Variants in LRRC49 observed in about 807,000 individuals in gnomAD.
The protein encoded by LRRC49 is leucine-rich repeat-containing protein 49.
Under a neutral mutation model 83.3 loss-of-function variants are expected in LRRC49, and 50 were observed. That is an observed-to-expected ratio of 0.60 (90% CI 0.48 to 0.76). The LOEUF is 0.76. Ranked by LOEUF, LRRC49 falls within the 30% of genes least tolerant of loss-of-function variation. The pLI, the probability that LRRC49 is intolerant of heterozygous loss-of-function variation, is 0.00. For synonymous variants in LRRC49, 286 were observed against 283.3 expected, an observed-to-expected ratio of 1.01 and a Z score of -0.10; for missense variants, 704 against 809.1, an observed-to-expected ratio of 0.87 and a Z score of 1.58.
chr15:71,045,880 T>A (rs2039840001), intron 15 of LRRC49, among the ~76,000 whole-genome samples: 1 of 152,168 alleles, frequency 6.6e-6, no homozygotes, highest in Non-Finnish European at 1.5e-5. Context: ...CCCATATTTA[T>A]GTTGTTCCCA....
chr15:71,046,836 T>C (rs1225067693), intron 15 of LRRC49, among the ~76,000 whole-genome samples: 1 of 152,230 alleles, frequency 6.6e-6, no homozygotes, highest in Non-Finnish European at 1.5e-5. Context: ...CTTTAAATTA[T>C]TAATCCCTTT....
At chr15:70,961,284 G>A (rs1312275583) in intron 8 of LRRC49, among the ~76,000 whole-genome samples, 3 of 152,152 alleles carry the variant, frequency 2.0e-5, no homozygotes, top group African/African-American at 7.2e-5. Context: ...GGTGAGGATG[G>A]TGAGCTGTTA....
At chr15:70,967,399 G>A (rs940749175) in intron 9 of LRRC49, among the ~76,000 whole-genome samples, 5 of 152,072 alleles carry the variant, frequency 3.3e-5, no homozygotes, top group African/African-American at 7.2e-5. Context: ...GAGAGGATGC[G>A]ATGGGTGATG....
chr15:70,945,322 A>G (rs2035968942), intron 8 of LRRC49, among the ~76,000 whole-genome samples: 1 of 152,136 alleles, frequency 6.6e-6, no homozygotes, highest in South Asian at 2.1e-4. Flanking sequence ...CATCTGCTTC[A>G]TATATTTTGT....
chr15:70,900,964 C>T lies in LRRC49; in HGVS notation c.236C>T (p.Pro79Leu). 1 of 1,610,888 alleles carries T rather than the reference C, an allele frequency of 6.2e-7. No individual in the cohort carries two copies. The highest frequency in any genetic ancestry group is 8.5e-7 in the Non-Finnish European group (1 of 1,178,042). ...NLVSSSLSSF[P>L]ILQRSSEEKI... ...GTGAGCTCATCATTGTCATCATTTC[C>T]TATTCTTCAACGTTCTTCTGAAGAG... Residue 79 changes from proline (P) to leucine (L), a missense_variant, in exon 4 of 16, where the codon CCT becomes CTT. By Grantham distance (98) the Pro-to-Leu change is moderately conservative. Coordinates refer to ENST00000260382, the MANE Select transcript of LRRC49 (RefSeq NM_017691.5).
intron 1 of LRRC49, among the ~76,000 whole-genome samples, chr15:70,866,109 G>A (rs1325877654): frequency 2.7e-5 from 4 of 147,878 alleles, no homozygotes; most frequent in Admixed American, 6.9e-5. Flanking sequence ...TCTGGTACAT[G>A]TAAAGTATTT....
At chr15:70,965,766 CT>C (rs2036773293) in intron 9 of LRRC49, among the ~76,000 whole-genome samples, 1 of 152,046 alleles carries the variant, frequency 6.6e-6, no homozygotes, top group Non-Finnish European at 1.5e-5. Context: ...TGTGAAGATT[CT>C]CTTTTTCCCT....
Position 70,904,819 on chromosome 15 carries a change from A to G in LRRC49, c.500+64A>G. On this transcript the variant is annotated intron_variant, in intron 5 of 15. Transcript: ENST00000260382. ...GTGTAGGATTAATGTGGAGATGACAACTTAGAATTGAATAATACTTAAGAA... is the reference window on the plus strand; with the variant it reads ...GTGTAGGATTAATGTGGAGATGACAGCTTAGAATTGAATAATACTTAAGAA... 3 of 1,224,500 alleles carry G rather than the reference A, an allele frequency of 2.4e-6. No individual in the cohort carries two copies. The East Asian group carries it at 7.1e-5, about 29-fold the overall frequency. 75.9% of individuals were successfully genotyped at this position (1,224,500 alleles called of 1,614,324 possible).
chr15:70,995,297 T>G (rs2038037334), intron 11 of LRRC49, among the ~76,000 whole-genome samples: 1 of 152,194 alleles, frequency 6.6e-6, no homozygotes, highest in Non-Finnish European at 1.5e-5. Context: ...GCATATAAAG[T>G]AAGAGCATTA....
At chr15:70,930,270 C>A (rs1168490325) in intron 7 of LRRC49, among the ~76,000 whole-genome samples, 1 of 152,190 alleles carries the variant, frequency 6.6e-6, no homozygotes, top group East Asian at 1.9e-4. Context: ...CCTTCTACAT[C>A]TCCATCTGGG....
At chr15:71,022,658 T>C (rs1411502255) in intron 14 of LRRC49, among the ~76,000 whole-genome samples, 1 of 152,230 alleles carries the variant, frequency 6.6e-6, no homozygotes, top group Non-Finnish European at 1.5e-5. Context: ...CATTTAAATT[T>C]GTATGCACTT....
At chr15:70,971,797 C>CTTT (rs56230666) in intron 9 of LRRC49, among the ~76,000 whole-genome samples, 14 of 82,274 alleles carry the variant, frequency 1.7e-4, no homozygotes, top group African/African-American at 5.4e-4. Flanking sequence ...GTAACCACTC[C>CTTT]TTTTTTTTTT....
At chr15:70,915,807 C>A (rs957784571) in intron 6 of LRRC49, among the ~76,000 whole-genome samples, 1 of 152,018 alleles carries the variant, frequency 6.6e-6, no homozygotes, top group African/African-American at 2.4e-5. Flanking sequence ...TTAGTTAAAT[C>A]AAAAATCTTA....
chr15:71,024,125 C>T (rs536994797), intron 14 of LRRC49, among the ~76,000 whole-genome samples: 1 of 152,354 alleles, frequency 6.6e-6, no homozygotes, highest in African/African-American at 2.4e-5. Context: ...TGGGACTGAG[C>T]CCCTGAGGGG....
chr15:70,925,417 A>T (rs1239315666), intron 7 of LRRC49, among the ~76,000 whole-genome samples: 1 of 152,126 alleles, frequency 6.6e-6, no homozygotes, highest in African/African-American at 2.4e-5. Context: ...AAATACTTTA[A>T]AAGGAAGATA....
chr15:70,964,657 A>G (rs1353914530), intron 9 of LRRC49, among the ~76,000 whole-genome samples: 1 of 152,176 alleles, frequency 6.6e-6, no homozygotes, highest in Non-Finnish European at 1.5e-5. Context: ...AGCATATTAT[A>G]GGATCCAAGA....
At chr15:71,018,663 C>T (rs1257235846) in intron 14 of LRRC49, among the ~76,000 whole-genome samples, 2 of 152,146 alleles carry the variant, frequency 1.3e-5, no homozygotes, top group Admixed American at 6.5e-5. Context: ...GCAGCAGACA[C>T]CAGCTGGGTG....
intron 15 of LRRC49, among the ~76,000 whole-genome samples, chr15:71,047,228 A>T (rs937845702): frequency 1.3e-5 from 2 of 152,108 alleles, no homozygotes; most frequent in Admixed American, 1.3e-4. Context: ...GTGAAGAGTG[A>T]CATTGGGAAT....
At chr15:70,922,107 A>G (rs1227370879) in intron 7 of LRRC49, among the ~76,000 whole-genome samples, 4 of 152,152 alleles carry the variant, frequency 2.6e-5, no homozygotes, top group African/African-American at 9.7e-5. Flanking sequence ...CACTGTGGAA[A>G]ACAGTTTGGA....
Sources: gnomAD v4.1 joint callset for allele counts (sites outside exome capture counted in the v4.1 genomes callset) on GRCh38, gnomAD v4.1.1 for gene constraint, MANE v1.5 for transcripts, NCBI Gene and HGNC (gene_info 2026-07-23, HGNC 2026-07-21) for gene names.